Variants in CCNK observed in about 807,000 individuals in gnomAD.
CCNK encodes cyclin-K.
In CCNK, 9 loss-of-function variants were observed where a neutral mutation model predicts 65.0. The observed-to-expected ratio is 0.14, with a 90% CI of 0.08 to 0.24. The LOEUF is 0.24. Ranked by LOEUF, CCNK falls within the 10% of genes least tolerant of loss-of-function variation. The probability of loss-of-function intolerance (pLI) is 1.00; values close to 1 mark genes in which losing one functional copy is unlikely to be tolerated. For synonymous variants in CCNK, 279 were observed against 270.8 expected (o/e 1.03, Z -0.30); for missense variants, 474 against 720.0 (o/e 0.66, Z 3.91).
intron 9 of CCNK, 155 bp downstream of exon 9, chr14:99,503,799 C>T: frequency 3.2e-6 from 2 of 627,294 alleles, no homozygotes; most frequent in Non-Finnish European, 5.6e-6. Flanking sequence ...TCTTTCTGTT[C>T]ATCACCTGAT....
intron 3 of CCNK, 55 bp from the exon 4 acceptor site, chr14:99,495,443 C>G: frequency 2.6e-6 from 4 of 1,541,478 alleles, no homozygotes; most frequent in Non-Finnish European, 3.5e-6. Context: ...TTTATTGTAT[C>G]TATTTCTGTG....
At chr14:99,485,961 T>C (rs1466531725) in intron 1 of CCNK, among the ~76,000 whole-genome samples, 1 of 152,232 alleles carries the variant, frequency 6.6e-6, no homozygotes, top group Non-Finnish European at 1.5e-5. Context: ...CTAAAAATGT[T>C]ATTTTATTTA....
At chr14:99,487,133 T>G (rs1232494100) in intron 1 of CCNK, among the ~76,000 whole-genome samples, 2 of 152,230 alleles carry the variant, frequency 1.3e-5, no homozygotes, top group Admixed American at 6.5e-5. Context: ...AAGATATTGA[T>G]TCCCTCAGCC....
rs756827566 is a variant in CCNK at position 99,507,163 on chromosome 14, A to T, written c.1117+16A>T. ...CCACCTCCAGGTAAGCATCTGCTGA[A>T]GCAGCTTGGCCAGCTGTGCACATCG... On this transcript the variant is annotated intron_variant, in intron 10 of 10. Transcript: ENST00000389879. 1.3e-6 allele frequency: 2 copies of T among 1,534,538 alleles called. No individual in the cohort carries two copies. The highest frequency in any genetic ancestry group is 1.1e-5 in the South Asian group (1 of 89,528).
At chr14:99,492,080 A>G (rs537753099) in intron 1 of CCNK, 1 of 152,386 alleles carries the variant, frequency 6.6e-6, no homozygotes, top group African/African-American at 2.4e-5. Context: ...CAAGATGCAC[A>G]TTTGGTTTAC....
chr14:99,501,676 G>A, intron 6 of CCNK: 1 of 427,798 alleles, frequency 2.3e-6, no homozygotes. Flanking sequence ...ACAATACACT[G>A]GAGAATTTTG....
chr14:99,503,532 G>T (rs1318771006), intron 8 of CCNK, 79 bp from the exon 9 acceptor site: 1 of 1,255,892 alleles, frequency 8.0e-7, no homozygotes, highest in Non-Finnish European at 1.1e-6. Context: ...CGCTGATTCT[G>T]GTGGTACCTG....
intron 8 of CCNK, 109 bp from the exon 9 acceptor site, chr14:99,503,502 C>A: frequency 1.1e-6 from 1 of 877,118 alleles, no homozygotes; most frequent in Non-Finnish European, 1.8e-6. Context: ...TTGTCCGAGG[C>A]TGTTCACAGT....
intron 4 of CCNK, among the ~76,000 whole-genome samples, chr14:99,497,910 G>A (rs544824323): frequency 1.3e-4 from 20 of 152,312 alleles, no homozygotes; most frequent in Admixed American, 3.3e-4. Flanking sequence ...CAAAAATGCA[G>A]TTTTATAGAA....
chr14:99,496,250 C>T (rs543331331), intron 4 of CCNK, among the ~76,000 whole-genome samples: 1 of 152,156 alleles, frequency 6.6e-6, no homozygotes, highest in Non-Finnish European at 1.5e-5. Context: ...ATCAAGTTCC[C>T]CTTGTTGCAA....
intron 1 of CCNK, among the ~76,000 whole-genome samples, chr14:99,481,852 T>C (rs1896338454): frequency 6.6e-6 from 1 of 152,252 alleles, no homozygotes; most frequent in Admixed American, 6.5e-5. Flanking sequence ...TTTCGCGGCG[T>C]ATTAGTCCCA....
intron 1 of CCNK, among the ~76,000 whole-genome samples, chr14:99,482,345 T>A (rs573691533): frequency 6.6e-6 from 1 of 152,378 alleles, no homozygotes; most frequent in South Asian, 2.1e-4. Context: ...TAAAGGTTTG[T>A]ATGAATGATG....
At position 99,498,994 on chromosome 14, in the gene CCNK, G is replaced by A. The variant is rs377554735; in HGVS notation, c.412-1772G>A. Among the ~76,000 whole-genome samples the A allele has an allele frequency of 1.8e-3, 279 of 152,292 alleles. 1 individual carries two copies. The highest frequency in any genetic ancestry group is 6.3e-3 in the African/African-American group (263 of 41,548). On this transcript the variant is annotated intron_variant, in intron 4 of 10. Coordinates refer to ENST00000389879, the MANE Select transcript of CCNK (RefSeq NM_001099402.2). ...TTCTAAATTTAGAGGAAGTGTTGAA[G>A]CTTCTGGGAAGCAGGTGGTGACAAT...
Position 99,492,495 on chromosome 14 carries a change from G to C in CCNK, c.-52-131G>C, listed in dbSNP as rs1258977135. ...TTAAATTGGCTCTGGAGTTAGCCCG[G>C]GCTTGTAACTGGCAATTGACAGTGT... On this transcript the variant is annotated intron_variant, in intron 1 of 10. Transcript: ENST00000389879. 3 of 570,388 alleles carry C rather than the reference G, an allele frequency of 5.3e-6. No homozygotes were observed. The East Asian group carries it at 9.5e-5, about 18-fold the overall frequency. The allele number at this position is 570,388 out of a possible 1,614,324, so 35.3% of individuals were successfully genotyped here. A position where few individuals can be genotyped will look rare whatever the true frequency, so the allele number is the denominator to read the frequency against.
chr14:99,490,458 C>A, intron 1 of CCNK, among the ~76,000 whole-genome samples: 1 of 152,312 alleles, frequency 6.6e-6, no homozygotes, highest in Admixed American at 6.5e-5. Flanking sequence ...CAAAACTCAT[C>A]TATCTTTACA....
intron 9 of CCNK, chr14:99,504,005 G>T (rs1896908825): frequency 5.6e-6 from 2 of 359,840 alleles, no homozygotes; most frequent in African/African-American, 2.2e-5. Context: ...CACAGCAGAT[G>T]CGGGGGGGCA....
chr14:99,502,520 T>TAATGGATTTTCCC, intron 7 of CCNK, 144 bp downstream of exon 7: 1 of 1,351,334 alleles, frequency 7.4e-7, no homozygotes, highest in Non-Finnish European at 9.9e-7. Context: ...AATTATCTAA[T>TAATGGATTTTCCC]AGTTTCCACT....
At chr14:99,500,459 C>T (rs1446558268) in intron 4 of CCNK, 5 of 202,038 alleles carry the variant, frequency 2.5e-5, no homozygotes, top group Non-Finnish European at 3.9e-5. Context: ...TTATCAATAA[C>T]GTAAAGATCT....
At chr14:99,497,597 T>C (rs1026056846) in intron 4 of CCNK, among the ~76,000 whole-genome samples, 4 of 152,252 alleles carry the variant, frequency 2.6e-5, no homozygotes, top group African/African-American at 9.6e-5. Context: ...CAGTTAAAGC[T>C]AAAGCGATGA....
Sources: allele counts gnomAD v4.1 joint callset (sites outside exome capture counted in the v4.1 genomes callset), GRCh38; gene constraint gnomAD v4.1.1; transcripts MANE v1.5; gene names NCBI Gene and HGNC (gene_info 2026-07-23, HGNC 2026-07-21).